Variants in PAWR observed in about 807,000 individuals in gnomAD.
PAWR encodes PRKC apoptosis WT1 regulator protein.
In PAWR, 23 loss-of-function variants were observed where a neutral mutation model predicts 32.0. That is an observed-to-expected ratio of 0.72 (90% confidence interval 0.52 to 1.02). The LOEUF is 1.02. Ranked by LOEUF, PAWR falls within the 50% of genes least tolerant of loss-of-function variation. The pLI, the probability that PAWR is intolerant of heterozygous loss-of-function variation, is 0.00. For synonymous variants in PAWR, 226 were observed against 187.1 expected, an observed-to-expected ratio of 1.21 and a Z score of -1.70; for missense variants, 457 against 437.7, an observed-to-expected ratio of 1.04 and a Z score of -0.39.
At chr12:79,642,180 C>T (rs1428537284) in intron 2 of PAWR, among the ~76,000 whole-genome samples, 1 of 152,064 alleles carries the variant, frequency 6.6e-6, no homozygotes, top group Non-Finnish European at 1.5e-5. Context: ...CAATATATGG[C>T]TGCTTAATAG....
intron 2 of PAWR, among the ~76,000 whole-genome samples, chr12:79,649,706 G>C (rs575632660): frequency 9.9e-5 from 15 of 152,066 alleles, no homozygotes; most frequent in Non-Finnish European, 1.8e-4. Flanking sequence ...TGGGAGGATG[G>C]TTTGAGCCCA....
chr12:79,657,757 G>A (rs1395306249), intron 2 of PAWR, among the ~76,000 whole-genome samples: 1 of 151,522 alleles, frequency 6.6e-6, no homozygotes, highest in African/African-American at 2.4e-5. Context: ...TCGCGCCACT[G>A]CACCCCAGCC....
chr12:79,634,128 A>G (rs532167872), intron 2 of PAWR, among the ~76,000 whole-genome samples: 26 of 152,302 alleles, frequency 1.7e-4, no homozygotes, highest in African/African-American at 6.0e-4. Context: ...CTAAATAACT[A>G]TAAGTAAATA....
chr12:79,666,142 C>T (rs1222142302), intron 2 of PAWR, among the ~76,000 whole-genome samples: 1 of 152,140 alleles, frequency 6.6e-6, no homozygotes, highest in Admixed American at 6.5e-5. Flanking sequence ...TAGTGGAGTC[C>T]TTCCTTCACT....
chr12:79,653,285 C>A (rs1033071305), intron 2 of PAWR, among the ~76,000 whole-genome samples: 3 of 152,192 alleles, frequency 2.0e-5, no homozygotes, highest in Non-Finnish European at 4.4e-5. Flanking sequence ...ATCCACCGGC[C>A]TTGGCTTCCC....
chr12:79,646,508 A>C (rs947998389), intron 2 of PAWR, among the ~76,000 whole-genome samples: 1 of 152,228 alleles, frequency 6.6e-6, no homozygotes, highest in South Asian at 2.1e-4. Flanking sequence ...TATTAAAATG[A>C]AACAAGTGTA....
intron 4 of PAWR, chr12:79,603,668 T>A (rs1427360131): frequency 7.9e-4 from 69 of 86,816 alleles, no homozygotes; most frequent in African/African-American, 2.8e-3. Context: ...CATTATGCTA[T>A]TTTTTTTTTT....
rs1246750352 is a variant in PAWR, at chr12:79,591,873, C to A, written c.*734G>T. On this transcript the variant is annotated 3_prime_UTR_variant, in exon 7 of 7. Coordinates refer to ENST00000328827, the MANE Select transcript of PAWR (RefSeq NM_002583.4). The stretch of plus-strand genomic sequence containing the variant: ...CTGTGTTCACTAGCAAACCTTGGAA[C>A]GATAAAAAAAGGTAGTACCTACATA... 6.6e-6 allele frequency: 1 copy of A among 151,620 alleles called. No individual in the cohort carries two copies. 9.4% of individuals were successfully genotyped at this position (151,620 alleles called of 1,614,324 possible).
rs185758780 is a variant in PAWR, at chr12:79,690,729, A to G, written c.-148+143T>C. 628 of 152,490 alleles carry G rather than the reference A, an allele frequency of 4.1e-3. 12 individuals are homozygous for G. Among genetic ancestry groups the G allele is most frequent in the African/African-American group, 0.014 (596 of 41,470 alleles). 9.4% of individuals were successfully genotyped at this position (152,490 alleles called of 1,614,324 possible). On this transcript the variant is annotated intron_variant, in intron 1 of 6. Transcript: ENST00000328827. Reference sequence around the variant, plus strand: ...CGTCGTATCGCCTGCTCCGCGCTCTAGCCACCGCCGGTCCGAGGTCCCCGT... The same window carrying G: ...CGTCGTATCGCCTGCTCCGCGCTCTGGCCACCGCCGGTCCGAGGTCCCCGT...
At chr12:79,654,553 T>TA (rs954433252) in intron 2 of PAWR, among the ~76,000 whole-genome samples, 27 of 152,174 alleles carry the variant, frequency 1.8e-4, no homozygotes, top group African/African-American at 6.0e-4. Flanking sequence ...CGTAGAGACT[T>TA]ACCACCTGTA....
At chr12:79,593,700 GGT>G (rs1565995114) in intron 6 of PAWR, among the ~76,000 whole-genome samples, 2 of 145,250 alleles carry the variant, frequency 1.4e-5, no homozygotes, top group Admixed American at 6.9e-5. Flanking sequence ...CCAATTTTAG[GGT>G]TTTTTTTTTT....
chr12:79,598,611 TAA>T (rs1873848096), intron 4 of PAWR, among the ~76,000 whole-genome samples: 2 of 152,216 alleles, frequency 1.3e-5, no homozygotes, highest in African/African-American at 2.4e-5. Context: ...TGATAGAAAA[TAA>T]AAGTGTCCTA....
chr12:79,689,863 C>A lies in PAWR; in HGVS notation c.382G>T (p.Glu128Ter). 1 of 1,574,122 alleles carries A rather than the reference C, an allele frequency of 6.4e-7. No individual in the cohort carries two copies. Residue 128 changes from glutamate (E) to a stop codon, truncating the protein, a stop_gained, in exon 2 of 7, where the codon GAG becomes TAG. Coordinates refer to ENST00000328827, the MANE Select transcript of PAWR (RefSeq NM_002583.4). LOFTEE classifies it high-confidence loss of function. Reference protein sequence around the residue: ...SAAPPPQRDEEEPDGVPEKGK... With the variant: ...SAAPPPQRDE Reference sequence around the variant, plus strand: ...TTCTCTGGGACGCCGTCCGGCTCCTCCTCGTCACGCTGGGGCGGCGGTGCA... The same window carrying A: ...TTCTCTGGGACGCCGTCCGGCTCCTACTCGTCACGCTGGGGCGGCGGTGCA...
rs1422284992 is a variant in PAWR at position 79,656,139 on chromosome 12, C to CAA, written c.516+33589_516+33590insTT. Among the ~76,000 whole-genome samples the CAA allele has an allele frequency of 2.0e-5, 3 of 152,144 alleles. No individual in the cohort carries two copies. In the East Asian group the frequency reaches 5.8e-4, roughly 29 times the overall value. On this transcript the variant is annotated intron_variant, in intron 2 of 6. Coordinates refer to ENST00000328827, the MANE Select transcript of PAWR (RefSeq NM_002583.4). ...TATTTGAGAGGTGAGACAGAACGGG[C>CAA]AGAGGGAGCAAAGACGAAAACACGA... is the stretch of plus-strand genomic sequence containing the variant.
chr12:79,615,990 G>C (rs1012870272), intron 3 of PAWR, among the ~76,000 whole-genome samples: 2 of 149,390 alleles, frequency 1.3e-5, no homozygotes, highest in African/African-American at 5.0e-5. Flanking sequence ...TCAAGAGGCA[G>C]AGGTTGCAGT....
chr12:79,645,437 T>G (rs1341884808), intron 2 of PAWR, among the ~76,000 whole-genome samples: 1 of 152,164 alleles, frequency 6.6e-6, no homozygotes, highest in Non-Finnish European at 1.5e-5. Flanking sequence ...GTCACTAAAC[T>G]TGGTGAAATA....
intron 4 of PAWR, among the ~76,000 whole-genome samples, chr12:79,611,514 T>C (rs902186950): frequency 7.2e-5 from 11 of 151,962 alleles, no homozygotes; most frequent in Middle Eastern, 3.4e-3. Context: ...TGCTGACAGA[T>C]TAATGAAAAT....
intron 4 of PAWR, chr12:79,604,524 C>A (rs1330430573): frequency 6.9e-6 from 8 of 1,167,088 alleles, no homozygotes; most frequent in Admixed American, 3.7e-5. Flanking sequence ...AAATACAAGA[C>A]TCAAGGGTAA....
At chr12:79,593,059 C>A (rs1222389924) in intron 6 of PAWR, among the ~76,000 whole-genome samples, 2 of 152,038 alleles carry the variant, frequency 1.3e-5, no homozygotes, top group East Asian at 3.9e-4. Context: ...ACTACCCATG[C>A]AAGCCATATA....
Sources: allele counts gnomAD v4.1 joint callset (sites outside exome capture counted in the v4.1 genomes callset), GRCh38; gene constraint gnomAD v4.1.1; transcripts MANE v1.5; gene names NCBI Gene and HGNC (gene_info 2026-07-23, HGNC 2026-07-21).